GSDMC: variants seen among roughly 807,000 people sequenced by gnomAD.
GSDMC encodes gasdermin-C.
A neutral mutation model predicts 58.0 loss-of-function variants in GSDMC; 59 were observed. The ratio of observed to expected loss-of-function variants is 1.02; its 90% CI spans 0.82 to 1.26. The LOEUF (loss-of-function observed/expected upper bound fraction) is 1.26, where lower values mean the gene tolerates loss of function less well. Ranked by LOEUF, GSDMC falls within the 50% of genes most tolerant of loss-of-function variation. The pLI, the probability that GSDMC is intolerant of heterozygous loss-of-function variation, is 0.00. For missense variants in GSDMC, 659 were observed against 598.5 expected (o/e 1.10, Z -1.06); for synonymous variants, 241 against 220.2 (o/e 1.09, Z -0.83).
the GSDMC span, chr8:129,707,296 G>T: frequency 6.6e-6 from 1 of 152,236 alleles, no homozygotes; most frequent in East Asian, 1.9e-4. Context: ...TGCACAATCT[G>T]CAGGGCCCAA....
intron 1 of GSDMC, among the ~76,000 whole-genome samples, chr8:129,778,423 G>A (rs2034312102): frequency 6.6e-6 from 1 of 152,074 alleles, no homozygotes; most frequent in Non-Finnish European, 1.5e-5. Flanking sequence ...GAGTGAAAAT[G>A]GACCATTTCC....
rs1489760472 is a variant in GSDMC, at chr8:129,749,997, G to A, written c.1206C>T (p.Ala402=). 6.3e-7 allele frequency: 1 copy of A among 1,595,138 alleles called. No homozygotes were observed. Among genetic ancestry groups the A allele is most frequent in the Non-Finnish European group, 8.5e-7 (1 of 1,174,624 alleles). ...PKDPILYLLE[A]IMVLSDFQHD... is the part of the protein sequence containing the mutation. ...CCCTTTAATTACTCTTACCCATTAT[G>A]GCTTCAAGGAGATAAAGAATGGGGT... Residue 402 remains alanine (A), a synonymous_variant, in exon 12 of 14, where the codon GCC becomes GCT. Coordinates refer to ENST00000276708, the MANE Select transcript of GSDMC (RefSeq NM_031415.3).
At chr8:129,769,194 C>T (rs778536239) in intron 3 of GSDMC, among the ~76,000 whole-genome samples, 5 of 151,858 alleles carry the variant, frequency 3.3e-5, no homozygotes, top group African/African-American at 7.3e-5. Flanking sequence ...CCAAATAGGT[C>T]GAACCCAAAA....
At chr8:129,709,617 T>TAGAC in the GSDMC span, among the ~76,000 whole-genome samples, 1 of 151,684 alleles carries the variant, frequency 6.6e-6, no homozygotes, top group Non-Finnish European at 1.5e-5. Context: ...GATAGATAGA[T>TAGAC]AGATAGATAG....
At chr8:129,727,538 A>C in the GSDMC span, among the ~76,000 whole-genome samples, 1 of 152,178 alleles carries the variant, frequency 6.6e-6, no homozygotes. Flanking sequence ...AGGCCGAGGG[A>C]GAGCACTTTG....
At chr8:129,752,205 T>C (rs1586577469) in intron 7 of GSDMC, 58 bp from the exon 8 acceptor site, 1 of 1,308,012 alleles carries the variant, frequency 7.6e-7, no homozygotes, top group Non-Finnish European at 1.1e-6. Flanking sequence ...CTACTTTTCC[T>C]CCTCTACTTC....
the GSDMC span, among the ~76,000 whole-genome samples, chr8:129,711,340 T>C: frequency 6.6e-6 from 1 of 152,210 alleles, no homozygotes; most frequent in Non-Finnish European, 1.5e-5. Context: ...ATTCTCTTTC[T>C]TTTACAGATG....
intron 6 of GSDMC, among the ~76,000 whole-genome samples, chr8:129,753,141 G>C (rs2033283754): frequency 1.3e-5 from 2 of 152,186 alleles, no homozygotes. Context: ...AGTGACATGT[G>C]ACCTAAAGAG....
chr8:129,769,142 G>A (rs2033968165), intron 3 of GSDMC, among the ~76,000 whole-genome samples: 1 of 151,326 alleles, frequency 6.6e-6, no homozygotes, highest in African/African-American at 2.4e-5. Flanking sequence ...CCCAAATTTT[G>A]AGAGAGAAGT....
At chr8:129,744,754 A>G (rs1183060086), downstream of GSDMC, among the ~76,000 whole-genome samples, 2 of 152,228 alleles carry the variant, frequency 1.3e-5, no homozygotes, top group African/African-American at 2.4e-5. Flanking sequence ...TCTGGATATT[A>G]ACTCAGAAAA....
the GSDMC span, among the ~76,000 whole-genome samples, chr8:129,739,379 G>A: frequency 6.6e-6 from 1 of 152,162 alleles, no homozygotes; most frequent in African/African-American, 2.4e-5. Flanking sequence ...AGCATTTTGA[G>A]TAGAAAAAAA....
rs2033020533 is a variant in GSDMC at position 129,748,369 on chromosome 8, T to C, written c.*132A>G. On this transcript the variant is annotated 3_prime_UTR_variant, in exon 14 of 14. Transcript: ENST00000276708. ...ACCCCAAAACATTTCCTAAAGTCTC[T>C]ACCCATTACTGTCTCTACTCCACCT... The C allele has an allele frequency of 3.8e-6, 3 of 794,138 alleles. No individual in the cohort carries two copies. The highest frequency in any genetic ancestry group is 5.8e-6 in the Non-Finnish European group (3 of 518,354). The allele number at this position is 794,138 out of a possible 1,614,324, so 49.2% of individuals were successfully genotyped here.
chr8:129,774,181 T>C (rs1433681676), intron 3 of GSDMC, among the ~76,000 whole-genome samples: 1 of 152,182 alleles, frequency 6.6e-6, no homozygotes, highest in Non-Finnish European at 1.5e-5. Flanking sequence ...TTAAAACTTA[T>C]GGCACTTGCA....
chr8:129,773,194 T>G (rs1308990077), intron 3 of GSDMC, among the ~76,000 whole-genome samples: 1 of 152,182 alleles, frequency 6.6e-6, no homozygotes, highest in Non-Finnish European at 1.5e-5. Flanking sequence ...CTGAAAGCTT[T>G]TCCTTTAAAA....
the GSDMC span, among the ~76,000 whole-genome samples, chr8:129,741,163 G>C: frequency 6.6e-6 from 1 of 151,878 alleles, no homozygotes; most frequent in East Asian, 1.9e-4. Context: ...TAAATACTTC[G>C]GTTTATTTCT....
At chr8:129,754,609 G>A (rs1287528817) in intron 6 of GSDMC, among the ~76,000 whole-genome samples, 3 of 152,116 alleles carry the variant, frequency 2.0e-5, no homozygotes, top group Non-Finnish European at 4.4e-5. Flanking sequence ...ACCAATGAAC[G>A]AAACAAGGCA....
chr8:129,710,702 T>G, the GSDMC span, among the ~76,000 whole-genome samples: 4 of 152,228 alleles, frequency 2.6e-5, no homozygotes, highest in Non-Finnish European at 5.9e-5. Flanking sequence ...AGAATGTCCC[T>G]TGATAAATGT....
chr8:129,705,585 C>T, the GSDMC span: 1 of 152,474 alleles, frequency 6.6e-6, no homozygotes, highest in Non-Finnish European at 1.5e-5. Flanking sequence ...AGCATCAGAT[C>T]TCATGAGAAT....
chr8:129,731,744 A>T, the GSDMC span, among the ~76,000 whole-genome samples: 1 of 152,214 alleles, frequency 6.6e-6, no homozygotes, highest in Non-Finnish European at 1.5e-5. Context: ...TCATGTAAAA[A>T]CACCCTCACA....
Sources: gnomAD v4.1 joint callset for allele counts (sites outside exome capture counted in the v4.1 genomes callset) on GRCh38, gnomAD v4.1.1 for gene constraint, MANE v1.5 for transcripts, NCBI Gene and HGNC (gene_info 2026-07-23, HGNC 2026-07-21) for gene names.